Variants in ADAMTS3 observed in about 807,000 individuals in gnomAD.
ADAMTS3 encodes the protein ADAM metallopeptidase with thrombospondin type 1 motif 3.
Under a neutral mutation model 129.0 loss-of-function variants are expected in ADAMTS3, and 73 were observed. That is an observed-to-expected ratio of 0.57 (90% confidence interval 0.47 to 0.69). The LOEUF (loss-of-function observed/expected upper bound fraction) is 0.69, where lower values mean the gene tolerates loss of function less well. ADAMTS3 is among the 30% of genes least tolerant of loss of function. ADAMTS3 has a pLI of 0.00. For missense variants in ADAMTS3, 1,457 were observed against 1,514.5 expected (o/e 0.96, Z 0.63); for synonymous variants, 477 against 510.8 (o/e 0.93, Z 0.89).
At chr4:72,379,477 A>G (rs1392070409) in intron 4 of ADAMTS3, among the ~76,000 whole-genome samples, 1 of 151,780 alleles carries the variant, frequency 6.6e-6, no homozygotes, top group African/African-American at 2.4e-5. Flanking sequence ...AGATAAATCA[A>G]TTAGAGACCA....
In ADAMTS3 at chr4:72,370,085, T is replaced by A. The variant is rs146024057; in HGVS notation, c.662-30392A>T. Among the ~76,000 whole-genome samples the A allele has an allele frequency of 2.4e-3, 365 of 152,228 alleles. 2 individuals carry two copies. The highest frequency in any genetic ancestry group is 4.4e-3 in the Non-Finnish European group (298 of 67,990). On this transcript the variant is annotated intron_variant, in intron 4 of 21. Coordinates refer to ENST00000286657, the MANE Select transcript of ADAMTS3 (RefSeq NM_014243.3). ...TTAGTTATTGAAAAATAATAGACAA[T>A]CGCAAAAACAAGTTGACCTTTTTGT...
At chr4:72,361,224 T>C (rs184299573) in intron 4 of ADAMTS3, among the ~76,000 whole-genome samples, 5 of 152,282 alleles carry the variant, frequency 3.3e-5, no homozygotes, top group African/African-American at 1.2e-4. Flanking sequence ...ATTGCTCCAT[T>C]TCCCAAGCTG....
At chr4:72,423,151 C>A (rs1722487972) in intron 3 of ADAMTS3, among the ~76,000 whole-genome samples, 1 of 151,990 alleles carries the variant, frequency 6.6e-6, no homozygotes, top group South Asian at 2.1e-4. Flanking sequence ...AGATGGGTAG[C>A]TTTTTTTGGT....
intron 4 of ADAMTS3, among the ~76,000 whole-genome samples, chr4:72,364,315 A>G (rs1720812555): frequency 6.6e-6 from 1 of 152,180 alleles, no homozygotes; most frequent in African/African-American, 2.4e-5. Context: ...GAGTATTATT[A>G]TAATTAGAAT....
chr4:72,419,450 G>A (rs1722388940), intron 3 of ADAMTS3, among the ~76,000 whole-genome samples: 1 of 152,162 alleles, frequency 6.6e-6, no homozygotes, highest in Non-Finnish European at 1.5e-5. Context: ...TTGCTATAGT[G>A]GGGATAGAAT....
chr4:72,432,985 A>G (rs992233998), intron 3 of ADAMTS3, among the ~76,000 whole-genome samples: 3 of 151,996 alleles, frequency 2.0e-5, no homozygotes, highest in African/African-American at 7.2e-5. Flanking sequence ...CAGAGAGCAT[A>G]TATTTCTCAG....
chr4:72,450,905 G>A (rs1035580729), intron 3 of ADAMTS3, among the ~76,000 whole-genome samples: 1 of 146,606 alleles, frequency 6.8e-6, no homozygotes, highest in African/African-American at 2.5e-5. Flanking sequence ...AGAAAGAGGA[G>A]GAGGAGGAGG....
At chr4:72,474,710 C>G (rs1317547126) in intron 3 of ADAMTS3, among the ~76,000 whole-genome samples, 1 of 152,142 alleles carries the variant, frequency 6.6e-6, no homozygotes. Flanking sequence ...GGATATACCT[C>G]ACAAACGCTA....
chr4:72,565,927 G>T (rs1329114835), intron 2 of ADAMTS3, among the ~76,000 whole-genome samples: 1 of 152,116 alleles, frequency 6.6e-6, no homozygotes, highest in Non-Finnish European at 1.5e-5. Flanking sequence ...GTGATCTTAA[G>T]ACATCTTTTT....
chr4:72,532,491 GCA>G (rs35399046), intron 3 of ADAMTS3, among the ~76,000 whole-genome samples: 16,722 of 148,630 alleles, frequency 0.11, 922 homozygotes, highest in Non-Finnish European at 0.12. Flanking sequence ...AATTTAATAT[GCA>G]CACACACACA....
chr4:72,556,310 C>T (rs1721765723), intron 2 of ADAMTS3, among the ~76,000 whole-genome samples: 1 of 151,738 alleles, frequency 6.6e-6, no homozygotes, highest in Admixed American at 6.6e-5. Context: ...TATGCTACAA[C>T]TTGAAACAGA....
chr4:72,460,958 C>T (rs1718751564), intron 3 of ADAMTS3, among the ~76,000 whole-genome samples: 3 of 151,458 alleles, frequency 2.0e-5, no homozygotes, highest in South Asian at 4.1e-4. Flanking sequence ...ATCAATAAAC[C>T]AGAAAGAAGC....
At chr4:72,474,341 G>GA (rs1228840405) in intron 3 of ADAMTS3, among the ~76,000 whole-genome samples, 4 of 151,708 alleles carry the variant, frequency 2.6e-5, no homozygotes, top group East Asian at 1.9e-4. Context: ...TGAAAACGGA[G>GA]AAAAAACAAA....
intron 3 of ADAMTS3, among the ~76,000 whole-genome samples, chr4:72,476,351 T>A (rs1719232642): frequency 6.6e-6 from 1 of 152,044 alleles, no homozygotes; most frequent in Non-Finnish European, 1.5e-5. Context: ...TCCATCAATA[T>A]AAATTTAACA....
chr4:72,476,604 A>G (rs1385910792), intron 3 of ADAMTS3, among the ~76,000 whole-genome samples: 1 of 152,136 alleles, frequency 6.6e-6, no homozygotes, highest in Non-Finnish European at 1.5e-5. Flanking sequence ...AAAACTTACC[A>G]ATTAATTTAC....
chr4:72,430,659 C>T (rs974617344), intron 3 of ADAMTS3, among the ~76,000 whole-genome samples: 1 of 151,860 alleles, frequency 6.6e-6, no homozygotes, highest in South Asian at 2.1e-4. Context: ...TTGAGGTGAT[C>T]TGTTCTACAA....
intron 4 of ADAMTS3, among the ~76,000 whole-genome samples, chr4:72,383,046 A>C (rs1341790598): frequency 2.0e-5 from 3 of 152,228 alleles, no homozygotes; most frequent in Non-Finnish European, 4.4e-5. Flanking sequence ...CATAAATAAA[A>C]AATTTAAAAA....
intron 12 of ADAMTS3, 38 bp downstream of exon 12, chr4:72,313,639 C>G (rs766464022): frequency 1.2e-6 from 2 of 1,602,008 alleles, no homozygotes. Flanking sequence ...ATTTTCTGGT[C>G]TCTCCAAAAA....
At chr4:72,382,953 T>C (rs1721332807) in intron 4 of ADAMTS3, among the ~76,000 whole-genome samples, 1 of 152,140 alleles carries the variant, frequency 6.6e-6, no homozygotes, top group Admixed American at 6.6e-5. Flanking sequence ...ATGAGTTCAC[T>C]GGAAACCCAA....
Sources: allele counts gnomAD v4.1 joint callset (sites outside exome capture counted in the v4.1 genomes callset), GRCh38; gene constraint gnomAD v4.1.1; transcripts MANE v1.5; gene names NCBI Gene and HGNC (gene_info 2026-07-23, HGNC 2026-07-21).